DOT1L: variants seen among roughly 807,000 people sequenced by gnomAD.
The protein encoded by DOT1L is histone-lysine N-methyltransferase, H3 lysine-79 specific.
In DOT1L, 33 loss-of-function variants were observed where a neutral mutation model predicts 153.3. The observed-to-expected ratio is 0.22, with a 90% CI of 0.16 to 0.29. DOT1L has a LOEUF of 0.29. Ranked by LOEUF, DOT1L falls within the 10% of genes least tolerant of loss-of-function variation. The pLI is 1.00. For missense variants in DOT1L, 1,847 were observed against 2,119.9 expected, an observed-to-expected ratio of 0.87 and a Z score of 2.53; for synonymous variants, 1,135 against 965.1, an observed-to-expected ratio of 1.18 and a Z score of -3.26.
intron 27 of DOT1L, chr19:2,229,498 G>T: frequency 1.0e-6 from 1 of 985,490 alleles, no homozygotes; most frequent in Non-Finnish European, 1.2e-6. Context: ...GGTCTCTTAG[G>T]AGATGAGCTG....
At chr19:2,192,210 C>T (rs1284159259) in intron 5 of DOT1L, among the ~76,000 whole-genome samples, 4 of 152,224 alleles carry the variant, frequency 2.6e-5, no homozygotes, top group Non-Finnish European at 4.4e-5. Context: ...GGACTTTGCA[C>T]AGACTGGGTG....
chr19:2,186,401 T>G (rs2022508700), intron 3 of DOT1L, among the ~76,000 whole-genome samples: 1 of 152,102 alleles, frequency 6.6e-6, no homozygotes, highest in African/African-American at 2.4e-5. Context: ...GTCTTGTGGG[T>G]GGAGAGGGGC....
At chr19:2,227,988 GC>G (rs1555730004) in intron 27 of DOT1L, 2 of 1,146,278 alleles carry the variant, frequency 1.7e-6, no homozygotes, top group Non-Finnish European at 2.2e-6. Flanking sequence ...CGTCCTCCAC[GC>G]CCCCCCTCCA....
intron 3 of DOT1L, among the ~76,000 whole-genome samples, 200 bp downstream of exon 3, chr19:2,186,129 G>T (rs1003433210): frequency 6.6e-6 from 1 of 152,238 alleles, no homozygotes; most frequent in Non-Finnish European, 1.5e-5. Context: ...GTCAGAGGCC[G>T]GACAGAATTG....
intron 3 of DOT1L, among the ~76,000 whole-genome samples, chr19:2,187,858 C>A (rs1053489140): frequency 4.7e-4 from 70 of 148,988 alleles, no homozygotes; most frequent in Non-Finnish European, 3.1e-4. Flanking sequence ...GGAGGCGGAG[C>A]TTGCAGTGAG....
chr19:2,194,257 G>A (rs1416889459), intron 6 of DOT1L, among the ~76,000 whole-genome samples: 2 of 152,006 alleles, frequency 1.3e-5, no homozygotes, highest in South Asian at 2.1e-4. Context: ...TGCAAGCTCC[G>A]CCACCTGGGT....
intron 1 of DOT1L, among the ~76,000 whole-genome samples, chr19:2,171,985 C>T (rs1038984461): frequency 3.9e-5 from 6 of 152,034 alleles, no homozygotes; most frequent in East Asian, 1.9e-4. Flanking sequence ...ACTCCAGGGA[C>T]GTGAAGATAA....
chr19:2,191,321 GA>G lies in DOT1L; in HGVS notation c.493+82del. 7.0e-7 allele frequency: 1 copy of G among 1,428,850 alleles called. No individual in the cohort carries two copies. Among genetic ancestry groups the G allele is most frequent in the South Asian group, 1.2e-5 (1 of 86,070 alleles). The allele number at this position is 1,428,850 out of a possible 1,614,324, so 88.5% of individuals were successfully genotyped here. ...GCCTGCCCCATGCCTGCTTGGAGAA[GA>G]GTTTATCAGGGACTTGCGACGTTGG... On this transcript the variant is annotated intron_variant, in intron 5 of 27. Transcript: ENST00000398665. The surrounding 1 kb of genome is among the most constrained non-coding windows in gnomAD (Gnocchi z 6.8).
chr19:2,170,903 G>GGAGTCTCCTGGAACCTGTCCCCCTCCAA (rs2021586869), intron 1 of DOT1L, among the ~76,000 whole-genome samples: 2 of 152,008 alleles, frequency 1.3e-5, no homozygotes, highest in Non-Finnish European at 2.9e-5. Flanking sequence ...TCCCCCTCCA[G>GGAGTCTCCTGGAACCTGTCCCCCTCCAA]GAGTCTCCTG....
At chr19:2,199,282 C>T (rs138872616) in intron 7 of DOT1L, among the ~76,000 whole-genome samples, 1 of 152,190 alleles carries the variant, frequency 6.6e-6, no homozygotes, top group African/African-American at 2.4e-5. Context: ...AGGCCGTCAG[C>T]GGTGCTCAGG....
chr19:2,193,406 A>G lies in DOT1L; in HGVS notation c.494-283A>G, dbSNP rs1599564521. ...TGTCTGTCTGAACAGTGAACATCAC[A>G]TAGGGCCCTGAGACTCAAAATGGAT... is the stretch of plus-strand genomic sequence containing the variant. On this transcript the variant is annotated intron_variant, in intron 5 of 27. Transcript: ENST00000398665. The surrounding 1 kb of genome is among the most constrained non-coding windows in gnomAD (Gnocchi z 5.9). Among the ~76,000 whole-genome samples the G allele has an allele frequency of 6.6e-6, 1 of 152,230 alleles. No individual in the cohort carries two copies. The highest frequency in any genetic ancestry group is 6.5e-5 in the Admixed American group (1 of 15,286).
At chr19:2,211,049 ACCG>A in intron 14 of DOT1L, 47 bp from the exon 15 acceptor site, 1 of 1,566,474 alleles carries the variant, frequency 6.4e-7, no homozygotes, top group Non-Finnish European at 8.7e-7. Context: ...GCCTCTGCCC[ACCG>A]CTCTCCCGAC....
chr19:2,212,937 C>T (rs2023765705), intron 16 of DOT1L: 1 of 152,332 alleles, frequency 6.6e-6, no homozygotes, highest in South Asian at 2.1e-4. Context: ...GCCATTGGAG[C>T]CACAAGGTCG....
intron 23 of DOT1L, chr19:2,221,771 G>A: frequency 1.8e-6 from 1 of 569,390 alleles, no homozygotes; most frequent in South Asian, 2.7e-5. Context: ...GGCGGGAGGA[G>A]GCACAGGGTC....
chr19:2,216,523 C>T lies in DOT1L; in HGVS notation c.2166C>T (p.Leu722=). The change falls in exon 20 of 28, where the codon CTC becomes CTT. Residue 722 remains leucine, a synonymous_variant. Coordinates refer to ENST00000398665, the MANE Select transcript of DOT1L (RefSeq NM_032482.3). ...SMNGQAAGYE[L]CGVLSRPSSK... is the part of the protein sequence containing the mutation. ...ACGGCCAGGCTGCTGGCTATGAGCT[C>T]TGCGGTGTGCTGAGCCGGCCTTCGT... 1 of 1,612,116 alleles carries T rather than the reference C, an allele frequency of 6.2e-7. No individual in the cohort carries two copies. The highest frequency in any genetic ancestry group is 8.5e-7 in the Non-Finnish European group (1 of 1,179,930).
chr19:2,214,842 C>T, intron 19 of DOT1L: 1 of 479,502 alleles, frequency 2.1e-6, no homozygotes, highest in East Asian at 4.0e-5. Flanking sequence ...ATGCGCAGCG[C>T]TAACCTAGGA....
intron 7 of DOT1L, among the ~76,000 whole-genome samples, chr19:2,199,130 C>G (rs570050045): frequency 1.3e-5 from 2 of 152,180 alleles, no homozygotes; most frequent in Non-Finnish European, 2.9e-5. Flanking sequence ...CAGATGCTAC[C>G]GTGTTGGACA....
intron 2 of DOT1L, among the ~76,000 whole-genome samples, chr19:2,181,038 G>A (rs1477033475): frequency 6.6e-6 from 1 of 152,196 alleles, no homozygotes; most frequent in African/African-American, 2.4e-5. Flanking sequence ...CCTGCTGTGG[G>A]TTTTGGGCCG....
intron 23 of DOT1L, 39 bp from the exon 24 acceptor site, chr19:2,221,937 A>T: frequency 6.5e-7 from 1 of 1,544,724 alleles, no homozygotes; most frequent in Non-Finnish European, 8.7e-7. Context: ...CTCTTTGGCC[A>T]TCCTGTGTCC....
Sources: allele counts gnomAD v4.1 joint callset (sites outside exome capture counted in the v4.1 genomes callset), GRCh38; gene constraint gnomAD v4.1.1; non-coding constraint Gnocchi (gnomAD v3.1); transcripts MANE v1.5; gene names NCBI Gene and HGNC (gene_info 2026-07-23, HGNC 2026-07-21).